The following SMOC2 variants were observed in gnomAD, a reference collection of about 807,000 sequenced individuals.
SMOC2 encodes SPARC related modular calcium binding 2, also known as SPARC-related modular calcium-binding protein 2.
Under a neutral mutation model 61.4 loss-of-function variants are expected in SMOC2, and 39 were observed. The ratio of observed to expected loss-of-function variants is 0.64; its 90% CI spans 0.49 to 0.83. The LOEUF (loss-of-function observed/expected upper bound fraction) is 0.83. SMOC2 is among the 40% of genes least tolerant of loss of function. The pLI, the probability that SMOC2 is intolerant of heterozygous loss-of-function variation, is 0.00. For missense variants in SMOC2, 556 were observed against 592.9 expected (o/e 0.94, Z 0.65); for synonymous variants, 247 against 239.9 (o/e 1.03, Z -0.27).
intron 5 of SMOC2, among the ~76,000 whole-genome samples, chr6:168,545,459 T>G (rs2115101693): frequency 6.6e-6 from 1 of 152,346 alleles, no homozygotes; most frequent in Middle Eastern, 3.4e-3. Context: ...ATTTTTGTTT[T>G]ATTTCCTTAA....
At chr6:168,652,933 C>T (rs1429496507) in intron 10 of SMOC2, 21 bp from the exon 11 acceptor site, 16 of 1,608,208 alleles carry the variant, frequency 9.9e-6, no homozygotes, top group Admixed American at 3.4e-5. Flanking sequence ...AGCATCCTGA[C>T]GGCATCTGTG....
intron 7 of SMOC2, among the ~76,000 whole-genome samples, chr6:168,587,256 C>T (rs1340501474): frequency 2.6e-5 from 4 of 152,196 alleles, no homozygotes; most frequent in South Asian, 2.1e-4. Flanking sequence ...TAACTCCTCC[C>T]GCCCACCTTG....
intron 2 of SMOC2, among the ~76,000 whole-genome samples, chr6:168,511,168 A>T (rs1043350866): frequency 7.2e-5 from 11 of 152,144 alleles, no homozygotes; most frequent in Non-Finnish European, 1.6e-4. Flanking sequence ...GTGTAAGTAC[A>T]CTCTATGATG....
chr6:168,619,348 C>T (rs1339651639), intron 9 of SMOC2, among the ~76,000 whole-genome samples: 1 of 141,062 alleles, frequency 7.1e-6, no homozygotes, highest in African/African-American at 2.6e-5. Context: ...AAAAAGGCAT[C>T]TGCCAGACAA....
intron 9 of SMOC2, among the ~76,000 whole-genome samples, chr6:168,636,271 C>G (rs1174252437): frequency 6.6e-6 from 1 of 152,188 alleles, no homozygotes; most frequent in Non-Finnish European, 1.5e-5. Context: ...GGTGGTCACA[C>G]CAGCTCATCA....
At chr6:168,558,853 G>C (rs377091982) in intron 7 of SMOC2, among the ~76,000 whole-genome samples, 2 of 126,314 alleles carry the variant, frequency 1.6e-5, no homozygotes, top group South Asian at 2.4e-4. Flanking sequence ...GTATGTGCGC[G>C]TGTGCGCATG....
intron 7 of SMOC2, among the ~76,000 whole-genome samples, chr6:168,555,730 G>T (rs1784232508): frequency 6.6e-6 from 1 of 152,218 alleles, no homozygotes; most frequent in Admixed American, 6.5e-5. Flanking sequence ...CCTCCCAGCA[G>T]CCTGCAGCGG....
At chr6:168,532,178 A>C (rs960619119) in intron 4 of SMOC2, among the ~76,000 whole-genome samples, 1 of 151,978 alleles carries the variant, frequency 6.6e-6, no homozygotes, top group Non-Finnish European at 1.5e-5. Context: ...TTAGAGATGT[A>C]TGCACTCCTC....
At chr6:168,575,571 G>A (rs1301493265) in intron 7 of SMOC2, among the ~76,000 whole-genome samples, 1 of 152,190 alleles carries the variant, frequency 6.6e-6, no homozygotes, top group Non-Finnish European at 1.5e-5. Flanking sequence ...GGGTATTTCT[G>A]TGAAGTTTGA....
intron 8 of SMOC2, 48 bp downstream of exon 8, chr6:168,599,052 G>T: frequency 6.6e-7 from 1 of 1,510,346 alleles, no homozygotes. Flanking sequence ...AGGCTTTGGG[G>T]TGTGGAAGCC....
chr6:168,543,070 G>A (rs188293592), intron 4 of SMOC2, among the ~76,000 whole-genome samples: 3 of 152,292 alleles, frequency 2.0e-5, no homozygotes, highest in East Asian at 3.9e-4. Context: ...TCTGTTGGAA[G>A]AGAAAGAACT....
At chr6:168,566,738 A>G (rs1784552573) in intron 7 of SMOC2, among the ~76,000 whole-genome samples, 1 of 152,042 alleles carries the variant, frequency 6.6e-6, no homozygotes, top group African/African-American at 2.4e-5. Flanking sequence ...TGACCTCATG[A>G]TCTGCCCGTC....
intron 7 of SMOC2, 111 bp from the exon 8 acceptor site, chr6:168,598,707 G>A: frequency 1.6e-6 from 2 of 1,287,386 alleles, no homozygotes; most frequent in Non-Finnish European, 2.2e-6. Context: ...CTGCTCCGGG[G>A]TGAAGGAGGA....
intron 1 of SMOC2, among the ~76,000 whole-genome samples, chr6:168,474,785 T>A (rs1782043465): frequency 6.6e-6 from 1 of 152,118 alleles, no homozygotes; most frequent in African/African-American, 2.4e-5. Context: ...CTGCTGATGT[T>A]CTGTGTAGAA....
intron 1 of SMOC2, among the ~76,000 whole-genome samples, chr6:168,458,613 TA>T (rs1276743573): frequency 6.6e-6 from 1 of 152,106 alleles, no homozygotes; most frequent in African/African-American, 2.4e-5. Context: ...CCAGGCATCT[TA>T]GGGGAGAAAC....
chr6:168,587,957 C>T (rs1387734899), intron 7 of SMOC2, among the ~76,000 whole-genome samples: 1 of 148,824 alleles, frequency 6.7e-6, no homozygotes, highest in East Asian at 2.0e-4. Flanking sequence ...ATTCATTTCT[C>T]ATAGCTCTGG....
rs1056544267 is a variant in SMOC2 at position 168,535,069 on chromosome 6, C to T, written c.463+7342C>T. ...CACTGCAACCTCCGCCTCCGGGGTT[C>T]AAGCGATTCTCCTGCCTCTGCCTCC... On this transcript the variant is annotated intron_variant, in intron 4 of 12. Transcript: ENST00000356284. The surrounding 1 kb of genome is among the most constrained non-coding windows in gnomAD (Gnocchi z 4.6). 1.3e-5 allele frequency among the ~76,000 whole-genome samples: 2 copies of T among 152,098 alleles called. No individual in the cohort carries two copies. Among genetic ancestry groups the T allele is most frequent in the African/African-American group, 2.4e-5 (1 of 41,422 alleles).
At chr6:168,581,053 C>T (rs879851278) in intron 7 of SMOC2, among the ~76,000 whole-genome samples, 17 of 152,248 alleles carry the variant, frequency 1.1e-4, no homozygotes, top group Admixed American at 2.0e-4. Flanking sequence ...GCCTCTGATT[C>T]CCCCCTGGTT....
intron 1 of SMOC2, among the ~76,000 whole-genome samples, chr6:168,477,379 G>T (rs1054534921): frequency 4.6e-5 from 7 of 152,112 alleles, no homozygotes; most frequent in African/African-American, 1.7e-4. Context: ...AGCATGAAAA[G>T]GTATATTTGG....
Sources: gnomAD v4.1 joint callset for allele counts (sites outside exome capture counted in the v4.1 genomes callset) on GRCh38, gnomAD v4.1.1 for gene constraint, Gnocchi (gnomAD v3.1) non-coding constraint, MANE v1.5 for transcripts, NCBI Gene and HGNC (gene_info 2026-07-23, HGNC 2026-07-21) for gene names.